The following TCF12 variants were observed in gnomAD, a reference collection of about 807,000 sequenced individuals.
The protein encoded by TCF12 is transcription factor 12.
A neutral mutation model predicts 86.0 loss-of-function variants in TCF12; 45 were observed. The ratio of observed to expected loss-of-function variants is 0.52; its 90% CI spans 0.41 to 0.67. TCF12 has a LOEUF of 0.67. Ranked by LOEUF, TCF12 falls within the 30% of genes least tolerant of loss-of-function variation. TCF12 has a pLI of 0.00. For missense variants in TCF12, 881 were observed against 859.9 expected, an observed-to-expected ratio of 1.02 and a Z score of -0.31; for synonymous variants, 330 against 299.6, an observed-to-expected ratio of 1.10 and a Z score of -1.05.
At chr15:57,165,128 G>T (rs1269258212) in intron 5 of TCF12, among the ~76,000 whole-genome samples, 1 of 91,950 alleles carries the variant, frequency 1.1e-5, no homozygotes, top group East Asian at 3.2e-4. Context: ...CTGAAGGAAT[G>T]TATGTCTGTG....
At chr15:56,939,382 T>C (rs2060625535) in intron 3 of TCF12, among the ~76,000 whole-genome samples, 1 of 152,134 alleles carries the variant, frequency 6.6e-6, no homozygotes, top group African/African-American at 2.4e-5. Flanking sequence ...GTATAATAGC[T>C]GGTCAGCCTC....
chr15:57,222,981 T>G (rs1171974573), intron 8 of TCF12, among the ~76,000 whole-genome samples: 4 of 151,750 alleles, frequency 2.6e-5, no homozygotes, highest in African/African-American at 9.7e-5. Flanking sequence ...AATCCAAGTT[T>G]TAAAATTCAA....
chr15:57,072,591 A>G, intron 4 of TCF12: 9 of 1,151,312 alleles, frequency 7.8e-6, no homozygotes, highest in Non-Finnish European at 1.0e-5. Flanking sequence ...TAGGAGTTCA[A>G]ATACAGTAAT....
intron 5 of TCF12, among the ~76,000 whole-genome samples, chr15:57,156,309 T>C (rs2054104832): frequency 6.6e-6 from 1 of 152,206 alleles, no homozygotes; most frequent in Admixed American, 6.5e-5. Context: ...AATCATTTAA[T>C]CCACACTTGC....
At chr15:57,030,472 A>T (rs572102816) in intron 3 of TCF12, among the ~76,000 whole-genome samples, 11 of 152,160 alleles carry the variant, frequency 7.2e-5, no homozygotes, top group African/African-American at 2.7e-4. Flanking sequence ...GCTGTTCTCA[A>T]ATTCCTGCCT....
intron 3 of TCF12, among the ~76,000 whole-genome samples, chr15:56,995,861 C>G (rs975553485): frequency 6.6e-6 from 1 of 152,114 alleles, no homozygotes; most frequent in South Asian, 2.1e-4. Flanking sequence ...CATCCTTGTT[C>G]CAGTTCTCAA....
chr15:57,265,675 C>T (rs1567016689), intron 18 of TCF12, among the ~76,000 whole-genome samples: 1 of 152,096 alleles, frequency 6.6e-6, no homozygotes, highest in Non-Finnish European at 1.5e-5. Flanking sequence ...TTATTTATAT[C>T]AATTAACCTA....
chr15:57,212,033 T>C (rs1951060266), intron 8 of TCF12, among the ~76,000 whole-genome samples: 1 of 151,454 alleles, frequency 6.6e-6, no homozygotes, highest in African/African-American at 2.4e-5. Flanking sequence ...GGACACCTGG[T>C]ATCATCTATG....
intron 4 of TCF12, among the ~76,000 whole-genome samples, chr15:57,078,424 C>T (rs1291835019): frequency 6.6e-6 from 1 of 152,130 alleles, no homozygotes; most frequent in Non-Finnish European, 1.5e-5. Flanking sequence ...AGGCCCAGAC[C>T]TCATGAAAAG....
chr15:57,284,276 C>T (rs2061835141), intron 20 of TCF12, among the ~76,000 whole-genome samples: 1 of 152,062 alleles, frequency 6.6e-6, no homozygotes, highest in South Asian at 2.1e-4. Context: ...GTGATCATCT[C>T]GGCTCACTCC....
chr15:57,273,295 C>T (rs1597818726), intron 19 of TCF12, 33 bp downstream of exon 19: 1 of 1,599,788 alleles, frequency 6.3e-7, no homozygotes, highest in African/African-American at 1.3e-5. Context: ...TATAACTGTT[C>T]TGCTTCAGAT....
chr15:57,077,381 A>ATTTTT (rs11461802), intron 4 of TCF12, among the ~76,000 whole-genome samples: 127 of 108,448 alleles, frequency 1.2e-3, no homozygotes, highest in African/African-American at 4.4e-3. Flanking sequence ...GTGTATATAT[A>ATTTTT]TTTTTTTTTT....
At chr15:57,075,835 T>TTTTA (rs2069942248) in intron 4 of TCF12, among the ~76,000 whole-genome samples, 2 of 49,992 alleles carry the variant, frequency 4.0e-5, no homozygotes, top group African/African-American at 1.9e-4. Flanking sequence ...TCTCTCTCTC[T>TTTTA]TTTCTTTCTT....
At chr15:57,177,607 C>CCAGAGAGAGAGAGA (rs1491435596) in intron 6 of TCF12, among the ~76,000 whole-genome samples, 3 of 5,002 alleles carry the variant, frequency 6.0e-4, no homozygotes, top group Non-Finnish European at 1.2e-3. Flanking sequence ...TGTTAAAAGG[C>CCAGAGAGAGAGAGA]CAGAGAGAGA....
At chr15:57,113,791 A>AAG (rs1555508773) in intron 5 of TCF12, among the ~76,000 whole-genome samples, 52 of 148,422 alleles carry the variant, frequency 3.5e-4, no homozygotes, top group East Asian at 1.6e-3. Flanking sequence ...AAAAAAAAAA[A>AAG]AAAAAAAAAT....
chr15:57,085,967 C>A (rs547456903), intron 4 of TCF12, among the ~76,000 whole-genome samples: 1 of 152,192 alleles, frequency 6.6e-6, no homozygotes, highest in Admixed American at 6.5e-5. Context: ...TACCACCTTT[C>A]TTTCTGATAG....
intron 3 of TCF12, among the ~76,000 whole-genome samples, chr15:56,969,928 C>G (rs75350341): frequency 6.6e-6 from 1 of 152,098 alleles, no homozygotes; most frequent in Non-Finnish European, 1.5e-5. Flanking sequence ...AAGGCATATC[C>G]AGACATATAG....
At chr15:56,966,049 T>C (rs1567176607) in intron 3 of TCF12, among the ~76,000 whole-genome samples, 1 of 152,214 alleles carries the variant, frequency 6.6e-6, no homozygotes. Flanking sequence ...TGAGACCATA[T>C]AGTGATAATT....
rs1419698391 is a variant in TCF12 at position 57,262,172 on chromosome 15, A to G, written c.1546A>G (p.Thr516Ala). ...VLSSTVTTSSTDLNHKTQENY... is the reference protein window; with the variant it reads ...VLSSTVTTSSADLNHKTQENY... ...GTCTAGTACAGTCACTACTTCAAGC[A>G]CAGACCTGAACCATAAAACACAAGA... The change falls in exon 17 of 21, where the codon ACA (threonine) becomes GCA (alanine). Residue 516 changes from threonine to alanine, a missense_variant. By Grantham distance (58) the Thr-to-Ala change is moderately conservative. Transcript: ENST00000333725. The G allele has an allele frequency of 2.7e-5, 44 of 1,613,254 alleles. No individual in the cohort carries two copies. Among genetic ancestry groups the G allele is most frequent in the Non-Finnish European group, 3.7e-5 (44 of 1,179,556 alleles).
Sources: allele counts gnomAD v4.1 joint callset (sites outside exome capture counted in the v4.1 genomes callset), GRCh38; gene constraint gnomAD v4.1.1; transcripts MANE v1.5; gene names NCBI Gene and HGNC (gene_info 2026-07-23, HGNC 2026-07-21).